The following LARGE1 variants were observed in gnomAD, a reference collection of about 807,000 sequenced individuals.
LARGE1 encodes the protein LARGE xylosyl- and glucuronyltransferase 1.
In LARGE1, 43 loss-of-function variants were observed where a neutral mutation model predicts 87.6. That is an observed-to-expected ratio of 0.49 (90% CI 0.38 to 0.63). The LOEUF is 0.63. Ranked by LOEUF, LARGE1 falls within the 30% of genes least tolerant of loss-of-function variation. LARGE1 has a pLI of 0.00. For missense variants in LARGE1, 802 were observed against 1,000.2 expected, an observed-to-expected ratio of 0.80 and a Z score of 2.67; for synonymous variants, 434 against 394.6, an observed-to-expected ratio of 1.10 and a Z score of -1.18.
At chr22:33,808,460 CT>C (rs139293458) in intron 1 of LARGE1, among the ~76,000 whole-genome samples, 3,595 of 152,314 alleles carry the variant, frequency 0.024, 129 homozygotes, top group African/African-American at 0.082. Flanking sequence ...CTCCCTGCCC[CT>C]ACCACCAAGG....
intron 11 of LARGE1, among the ~76,000 whole-genome samples, chr22:33,197,308 T>C (rs1003382179): frequency 6.6e-6 from 1 of 151,954 alleles, no homozygotes; most frequent in African/African-American, 2.4e-5. Context: ...CAAAGATACA[T>C]AAAATAAAAC....
At chr22:33,754,422 G>GC (rs1325781678) in intron 2 of LARGE1, among the ~76,000 whole-genome samples, 2 of 150,534 alleles carry the variant, frequency 1.3e-5, no homozygotes, top group Non-Finnish European at 3.0e-5. Context: ...TGCAAGCTCC[G>GC]CCCCCCAGGT....
intron 9 of LARGE1, among the ~76,000 whole-genome samples, chr22:33,338,594 G>C (rs963860691): frequency 6.6e-6 from 1 of 152,152 alleles, no homozygotes; most frequent in African/African-American, 2.4e-5. Context: ...CCTCCAGCTA[G>C]GACGTTGAAT....
At chr22:33,625,504 C>T (rs1212628615) in intron 4 of LARGE1, among the ~76,000 whole-genome samples, 1 of 152,178 alleles carries the variant, frequency 6.6e-6, no homozygotes, top group Non-Finnish European at 1.5e-5. Flanking sequence ...TTAACTAAGG[C>T]AGGACTTTTT....
the LARGE1 span, among the ~76,000 whole-genome samples, chr22:33,078,951 C>G: frequency 1.3e-5 from 2 of 152,298 alleles, no homozygotes; most frequent in African/African-American, 4.8e-5. Flanking sequence ...TGTGAAACTA[C>G]GTAACACCTT....
chr22:33,206,571 A>G (rs1924696690), intron 11 of LARGE1, among the ~76,000 whole-genome samples: 1 of 152,216 alleles, frequency 6.6e-6, no homozygotes, highest in Non-Finnish European at 1.5e-5. Flanking sequence ...GGTCTAGAAC[A>G]AATGACCAGC....
intron 6 of LARGE1, among the ~76,000 whole-genome samples, chr22:33,553,430 C>T (rs1219504971): frequency 1.3e-5 from 2 of 150,810 alleles, no homozygotes; most frequent in African/African-American, 4.9e-5. Flanking sequence ...GTGGGAGAAT[C>T]CCTTGAGTCC....
intron 1 of LARGE1, among the ~76,000 whole-genome samples, chr22:33,854,212 GAAAAAAAA>G (rs67771177): frequency 2.1e-4 from 15 of 72,716 alleles, no homozygotes; most frequent in East Asian, 5.1e-4. Flanking sequence ...CACTTAAGGG[GAAAAAAAA>G]AAAAAAAAAA....
intron 3 of LARGE1, among the ~76,000 whole-genome samples, chr22:33,646,085 G>A (rs1289891648): frequency 6.6e-6 from 1 of 151,984 alleles, no homozygotes; most frequent in East Asian, 1.9e-4. Context: ...GCAATCTACT[G>A]GGTATATACC....
chr22:33,363,097 G>A (rs1039655764), intron 9 of LARGE1, among the ~76,000 whole-genome samples: 6 of 149,900 alleles, frequency 4.0e-5, no homozygotes, highest in Admixed American at 4.0e-4. Flanking sequence ...TTCCCACAGG[G>A]GGCTGCTCAG....
At chr22:33,789,124 C>G (rs1299227751) in intron 1 of LARGE1, among the ~76,000 whole-genome samples, 1 of 152,164 alleles carries the variant, frequency 6.6e-6, no homozygotes, top group Admixed American at 6.5e-5. Context: ...AAAATGGTTT[C>G]GTGGGTCAGG....
chr22:33,574,453 T>C (rs1412544546), intron 5 of LARGE1, among the ~76,000 whole-genome samples: 1 of 152,142 alleles, frequency 6.6e-6, no homozygotes, highest in African/African-American at 2.4e-5. Flanking sequence ...GATGCAACCA[T>C]CTATTTTTTT....
intron 11 of LARGE1, among the ~76,000 whole-genome samples, chr22:33,179,826 C>A (rs964759077): frequency 6.6e-6 from 1 of 151,546 alleles, no homozygotes; most frequent in Non-Finnish European, 1.5e-5. Context: ...CCACTTTAAT[C>A]CCCTGCTACG....
intron 10 of LARGE1, among the ~76,000 whole-genome samples, chr22:33,334,423 C>A (rs5998880): frequency 0.14 from 7,226 of 51,454 alleles, 495 homozygotes; most frequent in African/African-American, 0.45. Context: ...AAAAAAAAAA[C>A]AAAAAAAAAA....
intron 7 of LARGE1, among the ~76,000 whole-genome samples, chr22:33,414,009 C>T (rs113656678): frequency 5.0e-4 from 76 of 152,238 alleles, no homozygotes; most frequent in African/African-American, 1.8e-3. Context: ...CATGGGGGTA[C>T]AGATACTGCT....
rs35056659 is a variant in LARGE1, at chr22:33,407,981, C to CTT, written c.893-23679_893-23678dup. Among the ~76,000 whole-genome samples the CTT allele has an allele frequency of 5.4e-4, 76 of 139,554 alleles. 1 individual carries two copies. The highest frequency in any genetic ancestry group is 8.0e-4 in the Admixed American group (11 of 13,724). The allele number at this position is 139,554 out of a possible 152,430, so 91.6% of individuals were successfully genotyped here. ...CATTCAGGGTGGTAAGGAAGATAAA[C>CTT]TTTTTTTTTTTTTTTTTGAGACGGA... On this transcript the variant is annotated intron_variant, in intron 7 of 14. Transcript: ENST00000397394.
At chr22:33,877,911 G>T (rs192308481) in intron 1 of LARGE1, among the ~76,000 whole-genome samples, 4 of 151,598 alleles carry the variant, frequency 2.6e-5, no homozygotes, top group Non-Finnish European at 5.9e-5. Context: ...AACAGAGCGA[G>T]ACTCTGTCTC....
chr22:33,169,661 C>T (rs1922455637), intron 11 of LARGE1, among the ~76,000 whole-genome samples: 1 of 151,718 alleles, frequency 6.6e-6, no homozygotes, highest in African/African-American at 2.4e-5. Flanking sequence ...ATCATACTGG[C>T]TAACATGGTG....
rs2078593664 is a variant in LARGE1, at chr22:33,583,923, C to G, written c.616-18904G>C. The stretch of plus-strand genomic sequence containing the variant: ...TTCTTTTAATCAAAATGTGGACATA[C>G]TGACTATACTGATACTGAAACCTCA... On this transcript the variant is annotated intron_variant, in intron 5 of 14. Transcript: ENST00000397394. Among the ~76,000 whole-genome samples the G allele has an allele frequency of 2.6e-5, 4 of 152,292 alleles. No individual in the cohort carries two copies. In the South Asian group the frequency reaches 8.3e-4, roughly 32 times the overall value.
Sources: allele counts gnomAD v4.1 joint callset (sites outside exome capture counted in the v4.1 genomes callset), GRCh38; gene constraint gnomAD v4.1.1; transcripts MANE v1.5; gene names NCBI Gene and HGNC (gene_info 2026-07-23, HGNC 2026-07-21).